Variants in SLC12A2 observed in about 807,000 individuals in gnomAD.
SLC12A2 encodes the protein Na-K-2Cl cotransporter 1.
Under a neutral mutation model 136.3 loss-of-function variants are expected in SLC12A2, and 67 were observed. The ratio of observed to expected loss-of-function variants is 0.49; its 90% CI spans 0.40 to 0.60. The LOEUF (loss-of-function observed/expected upper bound fraction) is 0.60. Ranked by LOEUF, SLC12A2 falls within the 20% of genes least tolerant of loss-of-function variation. The probability of loss-of-function intolerance (pLI) is 0.00; values close to 1 mark genes in which losing one functional copy is unlikely to be tolerated. For missense variants in SLC12A2, 1,322 were observed against 1,534.7 expected, an observed-to-expected ratio of 0.86 and a Z score of 2.32; for synonymous variants, 619 against 562.9, an observed-to-expected ratio of 1.10 and a Z score of -1.41.
At chr5:128,086,641 C>T (rs1399288972) in intron 1 of SLC12A2, among the ~76,000 whole-genome samples, 1 of 152,032 alleles carries the variant, frequency 6.6e-6, no homozygotes, top group Non-Finnish European at 1.5e-5. Context: ...TGTAGTTTAC[C>T]TTCTGCCACT....
At chr5:128,186,123 T>G (rs956331516) in intron 26 of SLC12A2, among the ~76,000 whole-genome samples, 1 of 152,202 alleles carries the variant, frequency 6.6e-6, no homozygotes, top group Non-Finnish European at 1.5e-5. Context: ...CTTACCATCG[T>G]GTTACAGTTG....
chr5:128,125,352 T>C (rs967157121), intron 4 of SLC12A2, among the ~76,000 whole-genome samples: 1 of 152,126 alleles, frequency 6.6e-6, no homozygotes, highest in African/African-American at 2.4e-5. Context: ...ACAGTGGAAG[T>C]GTATGGAGAG....
intron 24 of SLC12A2, 21 bp downstream of exon 24, chr5:128,182,962 C>T (rs1443871442): frequency 6.6e-7 from 1 of 1,504,348 alleles, no homozygotes. Context: ...CTACAAATTT[C>T]TGATCCCTTT....
intron 16 of SLC12A2, among the ~76,000 whole-genome samples, chr5:128,161,161 T>C (rs2126733864): frequency 6.6e-6 from 1 of 152,346 alleles, no homozygotes; most frequent in East Asian, 1.9e-4. Flanking sequence ...GTTAACAAAG[T>C]TCATTTAGTT....
At chr5:128,113,531 A>G (rs1469924643) in intron 2 of SLC12A2, among the ~76,000 whole-genome samples, 3 of 152,324 alleles carry the variant, frequency 2.0e-5, no homozygotes, top group South Asian at 4.1e-4. Flanking sequence ...CTTTGGAAGC[A>G]CTTAATAGGG....
intron 1 of SLC12A2, among the ~76,000 whole-genome samples, chr5:128,103,233 G>C (rs1355650319): frequency 6.6e-6 from 1 of 152,106 alleles, no homozygotes; most frequent in Non-Finnish European, 1.5e-5. Flanking sequence ...TTTGTGTTCT[G>C]TACAATTATT....
intron 10 of SLC12A2, among the ~76,000 whole-genome samples, chr5:128,142,882 A>T (rs1195292685): frequency 1.3e-5 from 2 of 152,012 alleles, no homozygotes; most frequent in Non-Finnish European, 2.9e-5. Context: ...ATATATTTTC[A>T]CTTCAGTAGT....
chr5:128,145,658 TTAAATC>T (rs1293149426), intron 10 of SLC12A2, among the ~76,000 whole-genome samples: 3 of 152,096 alleles, frequency 2.0e-5, no homozygotes, highest in Admixed American at 6.6e-5. Context: ...ATATTTAACC[TTAAATC>T]TAATGGAAGA....
At chr5:128,124,570 TA>T (rs1157750233) in intron 4 of SLC12A2, among the ~76,000 whole-genome samples, 3 of 152,176 alleles carry the variant, frequency 2.0e-5, no homozygotes, top group African/African-American at 4.8e-5. Flanking sequence ...AAGAGTTGAG[TA>T]AAGGATGGTA....
chr5:128,101,149 A>G (rs147948907), intron 1 of SLC12A2, among the ~76,000 whole-genome samples: 6 of 152,142 alleles, frequency 3.9e-5, no homozygotes, highest in Non-Finnish European at 7.4e-5. Flanking sequence ...AGTAGTCTGT[A>G]TGGGGAGCAT....
chr5:128,122,501 TAGTG>T (rs1338187823), intron 4 of SLC12A2, among the ~76,000 whole-genome samples: 2 of 152,206 alleles, frequency 1.3e-5, no homozygotes, highest in East Asian at 3.8e-4. Flanking sequence ...TTTACATGGA[TAGTG>T]AGAACAAAAA....
At chr5:128,113,302 G>A (rs1208558739) in intron 2 of SLC12A2, among the ~76,000 whole-genome samples, 1 of 152,188 alleles carries the variant, frequency 6.6e-6, no homozygotes, top group African/African-American at 2.4e-5. Flanking sequence ...AGGGAATAGA[G>A]CTGAAATATG....
intron 2 of SLC12A2, 88 bp downstream of exon 2, chr5:128,113,021 C>CTTT: frequency 7.1e-6 from 8 of 1,130,112 alleles, no homozygotes; most frequent in Non-Finnish European, 9.7e-6. Flanking sequence ...CTCAAGAGAA[C>CTTT]TCTTTTTTTC....
Position 128,166,478 on chromosome 5 carries a change from GTGTT to G in SLC12A2, c.2617-1279_2617-1276del, listed in dbSNP as rs955651585. On this transcript the variant is annotated intron_variant, in intron 17 of 26. Transcript: ENST00000262461. ...TAAACAAATGTGTGTGTGTGTGTGT[GTGTT>G]TGTGTGTGTGTATGAAATGGAATAT... is the stretch of plus-strand genomic sequence containing the variant. Among the ~76,000 whole-genome samples, 4 of 151,864 alleles carry G rather than the reference GTGTT, an allele frequency of 2.6e-5. No individual in the cohort carries two copies. The East Asian group carries it at 5.8e-4, about 22-fold the overall frequency.
At chr5:128,107,434 C>T (rs978290802) in intron 1 of SLC12A2, among the ~76,000 whole-genome samples, 1 of 152,106 alleles carries the variant, frequency 6.6e-6, no homozygotes, top group Non-Finnish European at 1.5e-5. Context: ...TACTGCTGTC[C>T]CTCCCCTACC....
Position 128,184,640 on chromosome 5 carries a change from G to A in SLC12A2, c.3435+139G>A, listed in dbSNP as rs748893487. ...TAGATTTATTTGAGGTTAGTGGAAAGCATTTTTAAAAAAAATAAAAATAGA... is the reference window on the plus strand; with the variant it reads ...TAGATTTATTTGAGGTTAGTGGAAAACATTTTTAAAAAAAATAAAAATAGA... On this transcript the variant is annotated intron_variant, in intron 25 of 26. Transcript: ENST00000262461. 1.9e-5 allele frequency: 26 copies of A among 1,388,900 alleles called. No individual in the cohort carries two copies. In the South Asian group the frequency reaches 2.3e-4, roughly 13 times the overall value. The allele number at this position is 1,388,900 out of a possible 1,614,324, so 86.0% of individuals were successfully genotyped here.
intron 4 of SLC12A2, among the ~76,000 whole-genome samples, chr5:128,115,785 T>C (rs1761325026): frequency 6.6e-6 from 1 of 152,128 alleles, no homozygotes; most frequent in African/African-American, 2.4e-5. Flanking sequence ...CTGCATCAAG[T>C]ATTTGGGTGT....
At chr5:128,138,005 A>T (rs574330730) in intron 7 of SLC12A2, among the ~76,000 whole-genome samples, 28 of 150,232 alleles carry the variant, frequency 1.9e-4, no homozygotes, top group African/African-American at 6.4e-4. Flanking sequence ...TGGCATGATC[A>T]TGGGTCACTG....
At chr5:128,138,790 CA>C in intron 8 of SLC12A2, 33 bp from the exon 9 acceptor site, 1 of 1,601,070 alleles carries the variant, frequency 6.2e-7, no homozygotes, top group Non-Finnish European at 8.5e-7. Flanking sequence ...TTTATTTTTA[CA>C]GATAGACTTT....
Sources: gnomAD v4.1 joint callset for allele counts (sites outside exome capture counted in the v4.1 genomes callset) on GRCh38, gnomAD v4.1.1 for gene constraint, MANE v1.5 for transcripts, NCBI Gene and HGNC (gene_info 2026-07-23, HGNC 2026-07-21) for gene names.